Variants in PRR35 observed in about 807,000 individuals in gnomAD.
The protein encoded by PRR35 is proline-rich protein 35.
In PRR35, 14 loss-of-function variants were observed where a neutral mutation model predicts 18.6. The ratio of observed to expected loss-of-function variants is 0.75; its 90% CI spans 0.50 to 1.18. PRR35 has a LOEUF of 1.18. PRR35 is among the 50% of genes most tolerant of loss of function. The pLI, the probability that PRR35 is intolerant of heterozygous loss-of-function variation, is 0.00. For missense variants in PRR35, 832 were observed against 792.2 expected (o/e 1.05, Z -0.60); for synonymous variants, 425 against 378.2 (o/e 1.12, Z -1.43).
At position 560,447 on chromosome 16, in the gene PRR35, C is replaced by T; in HGVS notation, c.-254C>T. On this transcript the variant is annotated 5_prime_UTR_variant, in exon 1 of 3. Coordinates refer to ENST00000409413, the MANE Select transcript of PRR35 (RefSeq NM_145270.3). The stretch of plus-strand genomic sequence containing the variant: ...GGGACGCGGGCGGCGGCGGAGGCTG[C>T]GGGAGTCGCTGCCGCTCGAGGGACC... 3 of 982,864 alleles carry T rather than the reference C, an allele frequency of 3.1e-6. No homozygotes were observed. The highest frequency in any genetic ancestry group is 3.6e-6 in the Non-Finnish European group (3 of 828,996). 60.9% of individuals were successfully genotyped at this position (982,864 alleles called of 1,614,324 possible).
chr16:564,479 T>C (rs1351711859), intron 2 of PRR35, 103 bp downstream of exon 2: 27 of 1,472,304 alleles, frequency 1.8e-5, no homozygotes, highest in Non-Finnish European at 2.3e-5. Flanking sequence ...CGTCCTGAGC[T>C]CAGTCGCTGG....
Position 563,535 on chromosome 16 carries a change from A to G in PRR35, c.241A>G (p.Thr81Ala). ...SPDWACRRGS[T>A]TPRPHAPTPD... ...AGACTGGGCGTGCCGCCGTGGCTCC[A>G]CCACGCCTAGGCCCCACGCACCCAC... is the stretch of plus-strand genomic sequence containing the variant. Residue 81 changes from threonine to alanine, a missense_variant, in exon 2 of 3, where the codon ACC becomes GCC. Physicochemically the swap from Thr to Ala is moderately conservative, Grantham distance 58. This residue lies in a region of PRR35 where 768 missense variants were observed against 704.1 expected (regional missense o/e 1.09). Coordinates refer to ENST00000409413, the MANE Select transcript of PRR35 (RefSeq NM_145270.3). 6.2e-7 allele frequency: 1 copy of G among 1,611,294 alleles called. No homozygotes were observed. The highest frequency in any genetic ancestry group is 1.1e-5 in the South Asian group (1 of 91,044).
At chr16:562,585 GCACA>G (rs10581998) in intron 1 of PRR35, among the ~76,000 whole-genome samples, 37,950 of 148,544 alleles carry the variant, frequency 0.26, 5,628 homozygotes, top group East Asian at 0.57. Flanking sequence ...ACGCACACAT[GCACA>G]CACACAGACA....
chr16:562,547 ACATGCACGCACACACACGTG>A (rs1401740350), intron 1 of PRR35, among the ~76,000 whole-genome samples: 6 of 151,324 alleles, frequency 4.0e-5, no homozygotes, highest in Admixed American at 6.6e-5. Context: ...ACACACACGC[ACATGCACGCACACACACGTG>A]CATGCACACG....
chr16:564,416 GGGCTGGGCGGCTGGGCATGGC>G, intron 2 of PRR35, 40 bp downstream of exon 2: 1 of 1,583,764 alleles, frequency 6.3e-7, no homozygotes, highest in South Asian at 1.1e-5. Flanking sequence ...GTGGACGGAG[GGGCTGGGCGGCTGGGCATGGC>G]GGTTGGGCGG....
In PRR35 at chr16:563,641, T is replaced by C; in HGVS notation, c.347T>C (p.Leu116Pro). 6.3e-7 allele frequency: 1 copy of C among 1,578,582 alleles called. No individual in the cohort carries two copies. The highest frequency in any genetic ancestry group is 8.6e-7 in the Non-Finnish European group (1 of 1,169,036). Residue 116 changes from leucine (L) to proline (P), a missense_variant, in exon 2 of 3, where the codon CTC (leucine) becomes CCC (proline). Around this residue, in one of 3 missense-constraint regions of PRR35, gnomAD observed 768 missense variants for 704.1 expected, o/e 1.09. Transcript: ENST00000409413. ...RPTGAAPAPD[L>P]VVADIHSLHC... ...ACAGGTGCTGCCCCCGCGCCTGACCTCGTGGTCGCCGACATCCACTCCCTG... is the reference window on the plus strand; with the variant it reads ...ACAGGTGCTGCCCCCGCGCCTGACCCCGTGGTCGCCGACATCCACTCCCTG...
At chr16:560,934 CG>C (rs59225364) in intron 1 of PRR35, among the ~76,000 whole-genome samples, 86,934 of 130,882 alleles carry the variant, frequency 0.66, 26,812 homozygotes, top group Middle Eastern at 0.74. Flanking sequence ...CCTGCGTTCC[CG>C]GGGGGGGGGG....
rs1226125854 is a variant in PRR35, at chr16:564,330, C to T, written c.1036C>T (p.Leu346Phe). 1 of 1,581,254 alleles carries T rather than the reference C, an allele frequency of 6.3e-7. No individual in the cohort carries two copies. The highest frequency in any genetic ancestry group is 8.5e-7 in the Non-Finnish European group (1 of 1,169,664). Residue 346 changes from leucine (L) to phenylalanine (F), a missense_variant, in exon 2 of 3, where the codon CTT becomes TTT. Physicochemically the swap from Leu to Phe is conservative, Grantham distance 22 (BLOSUM62 0). Coordinates refer to ENST00000409413, the MANE Select transcript of PRR35 (RefSeq NM_145270.3). The part of the protein sequence containing the change: ...RRLSLGSRLE[L>F]PKASPSLTRF... ...GCTGTCCCTGGGAAGCAGGCTGGAG[C>T]TTCCGAAGGCATCCCCCAGCCTGAC...
At chr16:563,181 TG>T in intron 1 of PRR35, 74 bp from the exon 2 acceptor site, 1 of 1,356,408 alleles carries the variant, frequency 7.4e-7, no homozygotes, top group Non-Finnish European at 9.7e-7. Flanking sequence ...CCCTGGAGCC[TG>T]GGGAGCCATG....
intron 1 of PRR35, 34 bp from the exon 2 acceptor site, chr16:563,222 G>A (rs2035470129): frequency 6.8e-7 from 1 of 1,468,534 alleles, no homozygotes. Flanking sequence ...TTAGTCAGAG[G>A]CAGGCTTGGC....
intron 2 of PRR35, 81 bp downstream of exon 2, chr16:564,457 G>T: frequency 6.6e-7 from 1 of 1,526,614 alleles, no homozygotes; most frequent in Non-Finnish European, 8.8e-7. Flanking sequence ...GCTGGGCATG[G>T]CGGCTGGGGT....
At position 563,584 on chromosome 16, in the gene PRR35, A is replaced by G. The variant is rs938509083; in HGVS notation, c.290A>G (p.Asp97Gly). ...ACCCCAGACCGCCCTGGGGAGTCCG[A>G]CCCCGGCAGGCAACCCCAGGGAGCA... ...APTPDRPGES[D>G]PGRQPQGARP... The change falls in exon 2 of 3, where the codon GAC (aspartate) becomes GGC (glycine). Residue 97 changes from aspartate to glycine, a missense_variant. By Grantham distance (94) the Asp-to-Gly change is moderately conservative. Around this residue, in one of 3 missense-constraint regions of PRR35, gnomAD observed 768 missense variants for 704.1 expected, o/e 1.09. Transcript: ENST00000409413. The G allele has an allele frequency of 1.2e-5, 20 of 1,600,100 alleles. No individual in the cohort carries two copies. The highest frequency in any genetic ancestry group is 1.6e-5 in the Non-Finnish European group (19 of 1,175,966).
At chr16:563,164 C>T in intron 1 of PRR35, 92 bp from the exon 2 acceptor site, 2 of 1,278,110 alleles carry the variant, frequency 1.6e-6, no homozygotes, top group Non-Finnish European at 2.1e-6. Flanking sequence ...AGCACCCAGG[C>T]TCCAGTCCCT....
Position 564,823 on chromosome 16 carries a change from C to T in PRR35, c.1232C>T (p.Ala411Val), listed in dbSNP as rs1270112723. 4 of 1,558,076 alleles carry T rather than the reference C, an allele frequency of 2.6e-6. No homozygotes were observed. Among genetic ancestry groups the T allele is most frequent in the Non-Finnish European group, 3.5e-6 (4 of 1,155,896 alleles). ...PEHVGEDLTR[A>V]LGDYARVEQR... ...CATGTGGGCGAGGACCTGACCCGAG[C>T]CCTCGGTGACTACGCCAGGGTGGAG... Residue 411 changes from alanine (A) to valine (V), a missense_variant, in exon 3 of 3, where the codon GCC (alanine) becomes GTC (valine). Coordinates refer to ENST00000409413, the MANE Select transcript of PRR35 (RefSeq NM_145270.3).
At position 563,852 on chromosome 16, in the gene PRR35, C is replaced by T. The variant is rs545490070; in HGVS notation, c.558C>T (p.Ser186=). 12 of 1,533,128 alleles carry T rather than the reference C, an allele frequency of 7.8e-6. No homozygotes were observed. Among genetic ancestry groups the T allele is most frequent in the Middle Eastern group, 1.7e-4 (1 of 5,808 alleles). The allele number at this position is 1,533,128 out of a possible 1,614,324, so 95.0% of individuals were successfully genotyped here. The change falls in exon 2 of 3, where the codon AGC becomes AGT. Residue 186 remains serine (S), a synonymous_variant. Coordinates refer to ENST00000409413, the MANE Select transcript of PRR35 (RefSeq NM_145270.3). ...GDMASAGPEG[S]VPCYPPPAPG... The stretch of plus-strand genomic sequence containing the variant: ...TGGCCTCAGCAGGCCCTGAGGGCAG[C>T]GTCCCCTGCTATCCCCCGCCTGCCC...
intron 1 of PRR35, among the ~76,000 whole-genome samples, chr16:562,946 G>A (rs977377550): frequency 6.6e-6 from 1 of 152,052 alleles, no homozygotes; most frequent in Non-Finnish European, 1.5e-5. Flanking sequence ...CACCTTTCTA[G>A]TGTGCCTTTC....
intron 2 of PRR35, 55 bp from the exon 3 acceptor site, chr16:564,596 AGGCCGTGAGGGGAGAGGGGCAGG>A: frequency 4.9e-6 from 7 of 1,431,334 alleles, no homozygotes; most frequent in Non-Finnish European, 6.4e-6. Flanking sequence ...CACAGGGCAG[AGGCCGTGAGGGGAGAGGGGCAGG>A]GGCCGGGGGC....
chr16:560,300 G>T, upstream of PRR35: 1 of 964,300 alleles, frequency 1.0e-6, no homozygotes, highest in Non-Finnish European at 1.2e-6. Context: ...TCGGGCCGGG[G>T]GCTGCTCCTT....
intron 1 of PRR35, among the ~76,000 whole-genome samples, chr16:561,509 G>A (rs1050548953): frequency 2.0e-5 from 3 of 152,202 alleles, no homozygotes; most frequent in African/African-American, 7.2e-5. Context: ...TCCAGGCCGG[G>A]TCTGCAGCCC....
Sources: allele counts gnomAD v4.1 joint callset (sites outside exome capture counted in the v4.1 genomes callset), GRCh38; gene constraint gnomAD v4.1.1; regional missense constraint gnomAD v4.1.1; transcripts MANE v1.5; gene names NCBI Gene and HGNC (gene_info 2026-07-23, HGNC 2026-07-21).